The following TLE4 variants were observed in gnomAD, a reference collection of about 807,000 sequenced individuals.
TLE4 encodes the protein TLE family member 4, transcriptional corepressor, also known as transducin-like enhancer protein 4.
TLE4 carries 8 observed loss-of-function variants against 92.8 expected under a neutral mutation model. The ratio of observed to expected loss-of-function variants is 0.09; its 90% CI spans 0.05 to 0.16. The LOEUF is 0.16. TLE4 is among the 10% of genes least tolerant of loss of function. TLE4 has a pLI of 1.00. For missense variants in TLE4, 675 were observed against 997.6 expected, an observed-to-expected ratio of 0.68 and a Z score of 4.36; for synonymous variants, 371 against 374.1, an observed-to-expected ratio of 0.99 and a Z score of 0.10.
chr9:79,691,046 A>G (rs1457285775), intron 8 of TLE4, among the ~76,000 whole-genome samples: 1 of 152,100 alleles, frequency 6.6e-6, no homozygotes, highest in Non-Finnish European at 1.5e-5. Flanking sequence ...ACATAGGAAC[A>G]CACATTTGTG....
intron 6 of TLE4, among the ~76,000 whole-genome samples, chr9:79,628,732 A>T (rs919589712): frequency 1.3e-5 from 2 of 152,190 alleles, no homozygotes; most frequent in African/African-American, 4.8e-5. Context: ...AATGTTTGTC[A>T]TACATTTTGT....
In TLE4 at chr9:79,625,960, C is replaced by A. The variant is rs1364019982; in HGVS notation, c.316-1414C>A. Among the ~76,000 whole-genome samples, 3 of 151,150 alleles carry A rather than the reference C, an allele frequency of 2.0e-5. No individual in the cohort carries two copies. In the East Asian group the frequency reaches 5.8e-4, roughly 29 times the overall value. ...TCCTGCTTTGAAAATGGAATGCATACAATTTAAAAACATTAAAAAGTATAT... is the reference window on the plus strand; with the variant it reads ...TCCTGCTTTGAAAATGGAATGCATAAAATTTAAAAACATTAAAAAGTATAT... On this transcript the variant is annotated intron_variant, in intron 5 of 19. Coordinates refer to ENST00000376552, the MANE Select transcript of TLE4 (RefSeq NM_007005.6).
At chr9:79,693,270 A>G (rs946250361) in intron 8 of TLE4, among the ~76,000 whole-genome samples, 1 of 152,274 alleles carries the variant, frequency 6.6e-6, no homozygotes, top group South Asian at 2.1e-4. Flanking sequence ...GCCTGCTAGC[A>G]TTGAAAACCC....
At chr9:79,669,824 C>T (rs1004701118) in intron 8 of TLE4, among the ~76,000 whole-genome samples, 1 of 152,090 alleles carries the variant, frequency 6.6e-6, no homozygotes, top group Admixed American at 6.5e-5. Flanking sequence ...GCATCTTAAT[C>T]CTAGAGAGCA....
intron 8 of TLE4, among the ~76,000 whole-genome samples, chr9:79,676,218 C>A (rs577132763): frequency 6.6e-6 from 1 of 152,102 alleles, no homozygotes; most frequent in Non-Finnish European, 1.5e-5. Context: ...GCCTTTCTGG[C>A]AAAGGGCACA....
At chr9:79,655,559 C>T (rs1241047800) in intron 8 of TLE4, among the ~76,000 whole-genome samples, 1 of 152,174 alleles carries the variant, frequency 6.6e-6, no homozygotes, top group African/African-American at 2.4e-5. Context: ...TAAATGTCAA[C>T]ATTTACAATT....
intron 5 of TLE4, among the ~76,000 whole-genome samples, chr9:79,624,164 A>G (rs2051840529): frequency 9.2e-6 from 1 of 108,666 alleles, no homozygotes; most frequent in Non-Finnish European, 1.9e-5. Flanking sequence ...TTACTTGTTA[A>G]AACCCGAAAA....
At chr9:79,627,758 A>G (rs997894881) in intron 6 of TLE4, 29 of 308,352 alleles carry the variant, frequency 9.4e-5, no homozygotes, top group Non-Finnish European at 1.5e-4. Context: ...AAAAAGAGAT[A>G]TAGATTGCCC....
At chr9:79,640,425 T>G (rs1038672919) in intron 6 of TLE4, among the ~76,000 whole-genome samples, 6 of 151,634 alleles carry the variant, frequency 4.0e-5, no homozygotes, top group Non-Finnish European at 7.4e-5. Context: ...GGCTTTTAAT[T>G]TTTTTTTTCA....
intron 14 of TLE4, among the ~76,000 whole-genome samples, chr9:79,711,246 CAAATT>C (rs1173931509): frequency 6.6e-6 from 1 of 152,148 alleles, no homozygotes; most frequent in African/African-American, 2.4e-5. Flanking sequence ...GGAGAAAAGA[CAAATT>C]AGAGTTCCTC....
At chr9:79,626,373 A>G (rs2052611464) in intron 5 of TLE4, among the ~76,000 whole-genome samples, 1 of 152,196 alleles carries the variant, frequency 6.6e-6, no homozygotes, top group African/African-American at 2.4e-5. Flanking sequence ...ATTAACCAAA[A>G]TAAGACTCTT....
intron 14 of TLE4, among the ~76,000 whole-genome samples, chr9:79,715,982 T>G (rs913920366): frequency 6.6e-6 from 1 of 152,224 alleles, no homozygotes; most frequent in Non-Finnish European, 1.5e-5. Context: ...CTCTAGCCAC[T>G]GCTTCTCCTC....
Position 79,660,918 on chromosome 9 carries a change from C to T in TLE4, c.609+6843C>T, listed in dbSNP as rs113408077. Among the ~76,000 whole-genome samples the T allele has an allele frequency of 1.6e-3, 237 of 152,234 alleles. 1 individual carries two copies. The highest frequency in any genetic ancestry group is 4.2e-3 in the African/African-American group (173 of 41,538). ...CAGAACAAATACTAATTAACAGGGGCGGCCTGGTTGGCAGGTTGGCTTTCT... is the reference window on the plus strand; with the variant it reads ...CAGAACAAATACTAATTAACAGGGGTGGCCTGGTTGGCAGGTTGGCTTTCT... On this transcript the variant is annotated intron_variant, in intron 8 of 19. Coordinates refer to ENST00000376552, the MANE Select transcript of TLE4 (RefSeq NM_007005.6).
At chr9:79,685,047 C>A (rs2065545069) in intron 8 of TLE4, among the ~76,000 whole-genome samples, 1 of 152,194 alleles carries the variant, frequency 6.6e-6, no homozygotes, top group Non-Finnish European at 1.5e-5. Context: ...CTTCCCTTCT[C>A]ATTTCTCATA....
At chr9:79,578,225 GAA>G (rs1407921587) in intron 4 of TLE4, among the ~76,000 whole-genome samples, 2 of 152,174 alleles carry the variant, frequency 1.3e-5, no homozygotes, top group Non-Finnish European at 1.5e-5. Context: ...ATAATGCAGG[GAA>G]GTTGCCCTGC....
At chr9:79,654,866 G>A (rs949756846) in intron 8 of TLE4, among the ~76,000 whole-genome samples, 18 of 152,278 alleles carry the variant, frequency 1.2e-4, no homozygotes, top group African/African-American at 4.1e-4. Flanking sequence ...ATTGTAGGCC[G>A]GGCTTGGTGG....
chr9:79,703,988 T>C (rs2070749350), intron 8 of TLE4, among the ~76,000 whole-genome samples: 1 of 152,218 alleles, frequency 6.6e-6, no homozygotes, highest in Admixed American at 6.5e-5. Flanking sequence ...TTTATAGTTT[T>C]TCTATAGAAG....
At chr9:79,689,569 A>G (rs1484171705) in intron 8 of TLE4, among the ~76,000 whole-genome samples, 2 of 152,200 alleles carry the variant, frequency 1.3e-5, no homozygotes, top group Non-Finnish European at 2.9e-5. Context: ...TGCATTCAGT[A>G]TTCAGAAGTG....
intron 4 of TLE4, among the ~76,000 whole-genome samples, chr9:79,577,531 C>T (rs552984694): frequency 6.6e-6 from 1 of 152,230 alleles, no homozygotes; most frequent in Non-Finnish European, 1.5e-5. Context: ...ATGTAAATAT[C>T]TTCTGCTTAA....
Sources: allele counts gnomAD v4.1 joint callset (sites outside exome capture counted in the v4.1 genomes callset), GRCh38; gene constraint gnomAD v4.1.1; transcripts MANE v1.5; gene names NCBI Gene and HGNC (gene_info 2026-07-23, HGNC 2026-07-21).